ICA1: variants seen among roughly 807,000 people sequenced by gnomAD.
The protein encoded by ICA1 is 69 kDa islet cell autoantigen.
In ICA1, 40 loss-of-function variants were observed where a neutral mutation model predicts 71.0. That is an observed-to-expected ratio of 0.56 (90% confidence interval 0.44 to 0.73). ICA1 has a LOEUF of 0.73. Ranked by LOEUF, ICA1 falls within the 30% of genes least tolerant of loss-of-function variation. ICA1 has a pLI of 0.00. For missense variants in ICA1, 578 were observed against 576.5 expected (o/e 1.00, Z -0.03); for synonymous variants, 207 against 209.5 (o/e 0.99, Z 0.10).
intron 8 of ICA1, among the ~76,000 whole-genome samples, chr7:8,147,246 G>C (rs757335940): frequency 6.6e-6 from 1 of 151,982 alleles, no homozygotes; most frequent in Non-Finnish European, 1.5e-5. Context: ...GCAGCTCTCA[G>C]ACAATCCTTT....
chr7:8,227,900 T>A (rs765046471), intron 4 of ICA1: 3 of 443,276 alleles, frequency 6.8e-6, no homozygotes, highest in African/African-American at 2.0e-5. Flanking sequence ...AAAATGATTG[T>A]CTTAATAAAA....
chr7:8,246,871 C>T (rs1410102372), intron 1 of ICA1, among the ~76,000 whole-genome samples: 6 of 152,144 alleles, frequency 3.9e-5, no homozygotes, highest in East Asian at 1.9e-4. Flanking sequence ...CTCAGCCTCC[C>T]GAGTAGCTGG....
intron 6 of ICA1, among the ~76,000 whole-genome samples, chr7:8,168,645 C>T (rs926425075): frequency 6.6e-6 from 1 of 152,160 alleles, no homozygotes; most frequent in African/African-American, 2.4e-5. Flanking sequence ...ATAGCCTGAA[C>T]AGAGCTTCTA....
chr7:8,165,119 A>G (rs1805430456), intron 6 of ICA1, among the ~76,000 whole-genome samples: 1 of 152,182 alleles, frequency 6.6e-6, no homozygotes, highest in South Asian at 2.1e-4. Flanking sequence ...AGAAGGTCAG[A>G]TATTTATTTG....
chr7:8,168,029 AGG>A (rs372085241), intron 6 of ICA1, among the ~76,000 whole-genome samples: 19,520 of 148,510 alleles, frequency 0.13, 1,524 homozygotes, highest in East Asian at 0.29. Flanking sequence ...AGAGAAAAAG[AGG>A]GAGAGAGAGA....
chr7:8,130,164 G>T lies in ICA1; in HGVS notation c.1061-2022C>A, dbSNP rs955348460. Among the ~76,000 whole-genome samples the T allele has an allele frequency of 4.6e-5, 7 of 152,276 alleles. No individual in the cohort carries two copies. Among genetic ancestry groups the T allele is most frequent in the South Asian group, 4.2e-4 (2 of 4,816 alleles). ...GCTAGTGCCGCAATAAACATACGTG[G>T]GCATGTGTCTTTATAGCAGCATGAT... On this transcript the variant is annotated intron_variant, in intron 12 of 13. Transcript: ENST00000402384. This position sits in a 1 kb window ranked among gnomAD's most constrained non-coding sequence, Gnocchi z 4.2.
chr7:8,260,366 C>T (rs1811828401), intron 1 of ICA1, among the ~76,000 whole-genome samples: 1 of 152,162 alleles, frequency 6.6e-6, no homozygotes. Flanking sequence ...CAGATAGTTA[C>T]TCAGGTGTTC....
intron 12 of ICA1, among the ~76,000 whole-genome samples, chr7:8,131,447 G>T (rs899021560): frequency 4.4e-4 from 67 of 152,180 alleles, no homozygotes; most frequent in African/African-American, 1.6e-3. Flanking sequence ...CCCTTGGTGA[G>T]GATATTGCCT....
chr7:8,141,923 C>T (rs768693758), intron 9 of ICA1, 106 bp from the exon 10 acceptor site: 7 of 1,256,358 alleles, frequency 5.6e-6, no homozygotes, highest in Admixed American at 5.4e-5. Flanking sequence ...CAAACACATA[C>T]ACCACACACA....
At position 8,222,987 on chromosome 7, in the gene ICA1, T is replaced by C. The variant is rs1002945510; in HGVS notation, c.257-1589A>G. On this transcript the variant is annotated intron_variant, in intron 4 of 13. Coordinates refer to ENST00000402384, the MANE Select transcript of ICA1 (RefSeq NM_001136020.3). This position sits in a 1 kb window ranked among gnomAD's most constrained non-coding sequence, Gnocchi z 4.8. Reference sequence around the variant, plus strand: ...GCTAATTAAATGCTTGTGAATTGAATTGACTACAATTTTGCCTTGTTATCC... The same window carrying C: ...GCTAATTAAATGCTTGTGAATTGAACTGACTACAATTTTGCCTTGTTATCC... Among the ~76,000 whole-genome samples, 5 of 152,370 alleles carry C rather than the reference T, an allele frequency of 3.3e-5. 1 individual carries two copies. The South Asian group carries it at 6.2e-4, about 19-fold the overall frequency.
At chr7:8,255,354 T>G (rs920079549) in intron 1 of ICA1, among the ~76,000 whole-genome samples, 1 of 152,216 alleles carries the variant, frequency 6.6e-6, no homozygotes, top group African/African-American at 2.4e-5. Context: ...CTTGAAATGC[T>G]CCTCTTCCTC....
At chr7:8,214,102 T>C (rs565857396) in intron 6 of ICA1, among the ~76,000 whole-genome samples, 36 of 152,320 alleles carry the variant, frequency 2.4e-4, no homozygotes, top group Non-Finnish European at 3.8e-4. Context: ...AATGCCCACG[T>C]ATACATTTCT....
At position 8,130,884 on chromosome 7, in the gene ICA1, C is replaced by T. The variant is rs369569955; in HGVS notation, c.1061-2742G>A. Among the ~76,000 whole-genome samples, 2 of 152,162 alleles carry T rather than the reference C, an allele frequency of 1.3e-5. No individual in the cohort carries two copies. The highest frequency in any genetic ancestry group is 4.8e-5 in the African/African-American group (2 of 41,430). Reference sequence around the variant, plus strand: ...AATGGACTTTGGTGGTTTTTGCTAACTCAGCATCCCTTCCCTCTGCTTCTT... The same window carrying T: ...AATGGACTTTGGTGGTTTTTGCTAATTCAGCATCCCTTCCCTCTGCTTCTT... On this transcript the variant is annotated intron_variant, in intron 12 of 13. Transcript: ENST00000402384. The surrounding 1 kb of genome is among the most constrained non-coding windows in gnomAD (Gnocchi z 4.2).
At chr7:8,228,714 A>C in intron 3 of ICA1, 41 bp from the exon 4 acceptor site, 7 of 1,348,760 alleles carry the variant, frequency 5.2e-6, no homozygotes, top group Non-Finnish European at 7.3e-6. Flanking sequence ...TAAAACAGAC[A>C]GTGGTGAGAT....
At chr7:8,162,382 TG>T (rs1459283596) in intron 6 of ICA1, among the ~76,000 whole-genome samples, 1 of 152,340 alleles carries the variant, frequency 6.6e-6, no homozygotes, top group South Asian at 2.1e-4. Flanking sequence ...GCCCTTTCCC[TG>T]CCAAACAGGG....
At chr7:8,182,525 T>A (rs73233932) in intron 6 of ICA1, among the ~76,000 whole-genome samples, 2 of 152,178 alleles carry the variant, frequency 1.3e-5, no homozygotes, top group South Asian at 4.1e-4. Flanking sequence ...AAACCAACCA[T>A]TGGGATGTTC....
chr7:8,235,989 A>G lies in ICA1; in HGVS notation c.-63T>C, dbSNP rs565822176. The G allele has an allele frequency of 4.6e-6, 7 of 1,510,510 alleles. No individual in the cohort carries two copies. The highest frequency in any genetic ancestry group is 3.8e-4 in the Middle Eastern group (2 of 5,298). The allele number at this position is 1,510,510 out of a possible 1,614,324, so 93.6% of individuals were successfully genotyped here. On this transcript the variant is annotated 5_prime_UTR_variant, in exon 2 of 14. Transcript: ENST00000402384. ...AGGGGCAGGAAAAAAGCATGAGAGG[A>G]TAAGTTATATTATAACCTGAAATAA... is the stretch of plus-strand genomic sequence containing the variant.
rs780941162 is a variant in ICA1, at chr7:8,123,433, CGCGGCCCAGA to C, written c.1330+4430_1330+4439del. On this transcript the variant is annotated intron_variant, in intron 13 of 13. Coordinates refer to ENST00000402384, the MANE Select transcript of ICA1 (RefSeq NM_001136020.3). The surrounding 1 kb of genome is among the most constrained non-coding windows in gnomAD (Gnocchi z 4.1). ...TGAGAGGGGGTGAGGGAGCTGGGGA[CGCGGCCCAGA>C]GCTTGCACTTCAGTCCTGGTGCCTG... Among the ~76,000 whole-genome samples the C allele has an allele frequency of 8.8e-4, 134 of 152,122 alleles. No individual in the cohort carries two copies. The highest frequency in any genetic ancestry group is 5.2e-4 in the Admixed American group (8 of 15,276).
chr7:8,238,683 T>C (rs1342445058), intron 1 of ICA1, among the ~76,000 whole-genome samples: 1 of 152,224 alleles, frequency 6.6e-6, no homozygotes, highest in Non-Finnish European at 1.5e-5. Context: ...TTTAAATCCT[T>C]CATAGTGTAA....
Sources: allele counts gnomAD v4.1 joint callset (sites outside exome capture counted in the v4.1 genomes callset), GRCh38; gene constraint gnomAD v4.1.1; non-coding constraint Gnocchi (gnomAD v3.1); transcripts MANE v1.5; gene names NCBI Gene and HGNC (gene_info 2026-07-23, HGNC 2026-07-21).